ITGBL1: variants seen among roughly 807,000 people sequenced by gnomAD.
The protein encoded by ITGBL1 is integrin beta-like protein 1.
A neutral mutation model predicts 68.5 loss-of-function variants in ITGBL1; 51 were observed. The observed-to-expected ratio is 0.74, with a 90% confidence interval of 0.59 to 0.94. The LOEUF (loss-of-function observed/expected upper bound fraction) is 0.94, where lower values mean the gene tolerates loss of function less well. ITGBL1 is among the 40% of genes least tolerant of loss of function. The pLI is 0.00. For missense variants in ITGBL1, 649 were observed against 647.4 expected (o/e 1.00, Z -0.03); for synonymous variants, 209 against 227.3 (o/e 0.92, Z 0.72).
intron 2 of ITGBL1, among the ~76,000 whole-genome samples, chr13:101,558,083 CAAAAAAAAAAAAAAAAA>C (rs568103738): frequency 3.2e-4 from 23 of 71,686 alleles, no homozygotes; most frequent in Admixed American, 5.2e-4. Context: ...AACTCCGTCT[CAAAAAAAAAAAAAAAAA>C]AAAAAAAAAA....
At chr13:101,567,230 T>C (rs77690966) in intron 2 of ITGBL1, among the ~76,000 whole-genome samples, 20 of 152,298 alleles carry the variant, frequency 1.3e-4, no homozygotes, top group African/African-American at 4.6e-4. Flanking sequence ...TATCCATAAA[T>C]TTCATTACAT....
intron 2 of ITGBL1, among the ~76,000 whole-genome samples, chr13:101,498,296 T>A (rs1360350960): frequency 6.6e-6 from 1 of 152,212 alleles, no homozygotes; most frequent in Non-Finnish European, 1.5e-5. Context: ...CTTGCAGATG[T>A]GAACAAGCTT....
At chr13:101,556,972 T>C (rs915844348) in intron 2 of ITGBL1, among the ~76,000 whole-genome samples, 3 of 152,168 alleles carry the variant, frequency 2.0e-5, no homozygotes, top group Admixed American at 1.3e-4. Flanking sequence ...TAAAGTTACA[T>C]AGTGAGCAAG....
chr13:101,646,200 T>A (rs1361522711), intron 7 of ITGBL1, among the ~76,000 whole-genome samples: 1 of 152,180 alleles, frequency 6.6e-6, no homozygotes, highest in Non-Finnish European at 1.5e-5. Context: ...TGTTGTAGTC[T>A]CTCACATATT....
At chr13:101,528,077 A>G (rs1308718131) in intron 2 of ITGBL1, among the ~76,000 whole-genome samples, 1 of 151,748 alleles carries the variant, frequency 6.6e-6, no homozygotes, top group African/African-American at 2.4e-5. Context: ...TGTTTGCTAT[A>G]TAAGCAACCT....
At chr13:101,568,166 T>G (rs1159694907) in intron 3 of ITGBL1, among the ~76,000 whole-genome samples, 2 of 152,190 alleles carry the variant, frequency 1.3e-5, no homozygotes, top group African/African-American at 4.8e-5. Flanking sequence ...TTATATAAAC[T>G]GACTTAATTA....
rs1294863470 is a variant in ITGBL1 at position 101,583,271 on chromosome 13, G to A, written c.783G>A (p.Trp261Ter). 1 of 1,613,532 alleles carries A rather than the reference G, an allele frequency of 6.2e-7. No homozygotes were observed. The highest frequency in any genetic ancestry group is 8.5e-7 in the Non-Finnish European group (1 of 1,179,718). The stretch of plus-strand genomic sequence containing the variant: ...ACGATGTTGATCCGACTGGGGACTG[G>A]GGAGATATTCATGGGGACACCTGTG... ...TCHDVDPTGDWGDIHGDTCEC... is the reference protein window; with the variant it reads ...TCHDVDPTGD Residue 261 changes from tryptophan to a stop codon, truncating the protein, a stop_gained, in exon 6 of 11, where the codon TGG becomes TGA. Coordinates refer to ENST00000376180, the MANE Select transcript of ITGBL1 (RefSeq NM_004791.3). LOFTEE classifies it high-confidence loss of function.
In ITGBL1 at chr13:101,599,921, C is replaced by T. The variant is rs1401761502; in HGVS notation, c.1015+1622C>T. On this transcript the variant is annotated intron_variant, in intron 7 of 10. Transcript: ENST00000376180. ...CTTAGGATTGACTTGGCAATGTGGG[C>T]TCTTTTTTGGTTCCATATGAACTTT... Among the ~76,000 whole-genome samples the T allele has an allele frequency of 1.8e-4, 28 of 152,212 alleles. No individual in the cohort carries two copies. In the South Asian group the frequency reaches 5.4e-3, roughly 29 times the overall value.
chr13:101,567,100 C>T (rs2050193802), intron 2 of ITGBL1, among the ~76,000 whole-genome samples: 5 of 152,044 alleles, frequency 3.3e-5, no homozygotes, highest in Admixed American at 3.3e-4. Flanking sequence ...AAACAACATG[C>T]ATTAAAGCAA....
intron 2 of ITGBL1, among the ~76,000 whole-genome samples, chr13:101,488,269 G>A (rs1001184958): frequency 1.1e-4 from 16 of 152,216 alleles, no homozygotes; most frequent in African/African-American, 3.6e-4. Flanking sequence ...AGAGCAATCT[G>A]TTCATCCTCT....
chr13:101,640,817 C>T (rs2032341439), intron 7 of ITGBL1, among the ~76,000 whole-genome samples: 2 of 152,068 alleles, frequency 1.3e-5, no homozygotes, highest in South Asian at 4.1e-4. Context: ...CTATTGTTCC[C>T]ATTTTTATGC....
intron 7 of ITGBL1, among the ~76,000 whole-genome samples, chr13:101,604,972 A>ATATATGCG (rs1173617076): frequency 7.8e-5 from 1 of 12,844 alleles, no homozygotes; most frequent in South Asian, 2.3e-3. Flanking sequence ...GTATATATAC[A>ATATATGCG]TATATGCGTA....
chr13:101,455,355 G>T lies in ITGBL1; in HGVS notation c.316+1255G>T, dbSNP rs578070154. Among the ~76,000 whole-genome samples the T allele has an allele frequency of 2.0e-5, 3 of 152,248 alleles. No homozygotes were observed. In the South Asian group the frequency reaches 6.2e-4, roughly 32 times the overall value. On this transcript the variant is annotated intron_variant, in intron 2 of 10. Coordinates refer to ENST00000376180, the MANE Select transcript of ITGBL1 (RefSeq NM_004791.3). The stretch of plus-strand genomic sequence containing the variant: ...TACTTGATTTGTTTTCCCTGTGAAG[G>T]CTGTGGATCAACTCTTTAAAAATAC...
chr13:101,587,954 T>C (rs191732982), intron 6 of ITGBL1, among the ~76,000 whole-genome samples: 33 of 151,106 alleles, frequency 2.2e-4, no homozygotes, highest in Admixed American at 2.1e-3. Context: ...TTCACAGGCA[T>C]TTTTTGATCC....
chr13:101,597,871 C>T (rs1162325153), intron 6 of ITGBL1, among the ~76,000 whole-genome samples: 6 of 151,924 alleles, frequency 3.9e-5, no homozygotes, highest in Non-Finnish European at 8.8e-5. Flanking sequence ...CTTTAAGGCC[C>T]CAGCAAACCA....
chr13:101,461,628 G>GACA (rs2048319730), intron 2 of ITGBL1, among the ~76,000 whole-genome samples: 1 of 152,126 alleles, frequency 6.6e-6, no homozygotes, highest in South Asian at 2.1e-4. Context: ...ATGGGAGATT[G>GACA]AGGCTGCAGT....
chr13:101,513,786 G>GTATT (rs1297257638), intron 2 of ITGBL1, among the ~76,000 whole-genome samples: 2 of 151,992 alleles, frequency 1.3e-5, no homozygotes, highest in Non-Finnish European at 2.9e-5. Context: ...TAACGAGGAT[G>GTATT]TATTATTCAC....
chr13:101,531,510 T>C (rs2049474884), intron 2 of ITGBL1, among the ~76,000 whole-genome samples: 1 of 151,192 alleles, frequency 6.6e-6, no homozygotes, highest in Non-Finnish European at 1.5e-5. Flanking sequence ...GGTCAGTGAG[T>C]AGGATTTTGC....
At chr13:101,463,872 A>G (rs2048348236) in intron 2 of ITGBL1, among the ~76,000 whole-genome samples, 2 of 151,474 alleles carry the variant, frequency 1.3e-5, no homozygotes, top group African/African-American at 2.4e-5. Context: ...AAGAATGCAA[A>G]CTACTGAAGA....
Sources: allele counts gnomAD v4.1 joint callset (sites outside exome capture counted in the v4.1 genomes callset), GRCh38; gene constraint gnomAD v4.1.1; transcripts MANE v1.5; gene names NCBI Gene and HGNC (gene_info 2026-07-23, HGNC 2026-07-21).